Variants in GNAO1 observed in about 807,000 individuals in gnomAD.
GNAO1 encodes G protein subunit alpha o1.
For synonymous variants in GNAO1, 164 were observed against 180.7 expected, an observed-to-expected ratio of 0.91 and a Z score of 0.74; for missense variants, 166 against 478.7, an observed-to-expected ratio of 0.35 and a Z score of 6.10.
chr16:56,214,652 A>G (rs1305873976), intron 2 of GNAO1, among the ~76,000 whole-genome samples: 1 of 152,190 alleles, frequency 6.6e-6, no homozygotes, highest in African/African-American at 2.4e-5. Context: ...TCAGCATGGG[A>G]GTACCAATTT....
intron 2 of GNAO1, among the ~76,000 whole-genome samples, chr16:56,255,035 T>C (rs2036833951): frequency 6.6e-6 from 1 of 152,212 alleles, no homozygotes; most frequent in South Asian, 2.1e-4. Flanking sequence ...GATGAGACCT[T>C]GGAACACTTT....
chr16:56,347,482 C>T (rs1460775644), intron 6 of GNAO1: 18 of 985,432 alleles, frequency 1.8e-5, no homozygotes, highest in Non-Finnish European at 2.2e-5. Context: ...CCTGACCCCA[C>T]CCTGCCCAGA....
chr16:56,269,188 C>T (rs1475673200), intron 2 of GNAO1, among the ~76,000 whole-genome samples: 2 of 152,208 alleles, frequency 1.3e-5, no homozygotes, highest in African/African-American at 4.8e-5. Flanking sequence ...CCAACGTGTT[C>T]ATTTGGTAAA....
At chr16:56,230,531 C>G (rs2036580004) in intron 2 of GNAO1, among the ~76,000 whole-genome samples, 1 of 152,020 alleles carries the variant, frequency 6.6e-6, no homozygotes, top group Non-Finnish European at 1.5e-5. Context: ...ATGAAATATC[C>G]CTGAAGCTAT....
At chr16:56,222,731 A>G (rs2036501999) in intron 2 of GNAO1, among the ~76,000 whole-genome samples, 1 of 152,114 alleles carries the variant, frequency 6.6e-6, no homozygotes, top group Non-Finnish European at 1.5e-5. Context: ...AGCCGAGGAA[A>G]AACCCAGGGG....
chr16:56,330,927 C>T (rs2037682543), intron 4 of GNAO1, among the ~76,000 whole-genome samples: 1 of 152,218 alleles, frequency 6.6e-6, no homozygotes, highest in African/African-American at 2.4e-5. Flanking sequence ...CCGTGTCTCC[C>T]CTCTGGGAGA....
Position 56,254,095 on chromosome 16 carries a change from A to G in GNAO1, c.162-21836A>G, listed in dbSNP as rs980108769. Among the ~76,000 whole-genome samples the G allele has an allele frequency of 2.0e-5, 3 of 152,296 alleles. No individual in the cohort carries two copies. The East Asian group carries it at 5.8e-4, about 29-fold the overall frequency. The stretch of plus-strand genomic sequence containing the variant: ...TTTGTTTAATTAAAAAAATAAACAT[A>G]TCTTGTGAAATTTATTAAGTTTATA... On this transcript the variant is annotated intron_variant, in intron 2 of 8. Transcript: ENST00000262493.
intron 3 of GNAO1, among the ~76,000 whole-genome samples, chr16:56,280,854 G>C (rs2037107602): frequency 6.6e-6 from 1 of 152,182 alleles, no homozygotes. Flanking sequence ...TTCCAGGTGG[G>C]GGAGGTCCGC....
chr16:56,338,755 C>T (rs558393737), intron 6 of GNAO1, among the ~76,000 whole-genome samples: 1 of 152,380 alleles, frequency 6.6e-6, no homozygotes, highest in African/African-American at 2.4e-5. Context: ...TCTGGGTGAG[C>T]CTAGCAGCCA....
At chr16:56,336,999 C>A in intron 6 of GNAO1, 139 bp downstream of exon 6, 1 of 817,106 alleles carries the variant, frequency 1.2e-6, no homozygotes, top group Non-Finnish European at 1.9e-6. Context: ...AGGTTTCCAT[C>A]ATGGACAGGC....
intron 2 of GNAO1, among the ~76,000 whole-genome samples, chr16:56,237,133 AT>A (rs1216589238): frequency 6.6e-6 from 1 of 152,236 alleles, no homozygotes; most frequent in African/African-American, 2.4e-5. Context: ...TCAGTATTTT[AT>A]TCTTTTGTTT....
chr16:56,220,303 G>GA (rs1365405722), intron 2 of GNAO1, among the ~76,000 whole-genome samples: 1 of 152,036 alleles, frequency 6.6e-6, no homozygotes, highest in Non-Finnish European at 1.5e-5. Flanking sequence ...CCTCCCCTCT[G>GA]AAAAAAAGTA....
At chr16:56,301,385 T>A (rs2037341822) in intron 3 of GNAO1, among the ~76,000 whole-genome samples, 1 of 152,198 alleles carries the variant, frequency 6.6e-6, no homozygotes, top group Non-Finnish European at 1.5e-5. Flanking sequence ...AGCACAGACT[T>A]CGGGGGTCAG....
intron 2 of GNAO1, among the ~76,000 whole-genome samples, chr16:56,196,931 C>CTTA (rs1357676232): frequency 2.0e-5 from 3 of 152,214 alleles, no homozygotes; most frequent in African/African-American, 7.2e-5. Context: ...GAAAGGCTGT[C>CTTA]TTAAAAGGTC....
At chr16:56,257,869 C>T (rs1377234685) in intron 2 of GNAO1, among the ~76,000 whole-genome samples, 1 of 152,178 alleles carries the variant, frequency 6.6e-6, no homozygotes, top group Non-Finnish European at 1.5e-5. Context: ...CCTGATGGGG[C>T]GTGTGGATCA....
At chr16:56,289,707 G>A (rs893543768) in intron 3 of GNAO1, among the ~76,000 whole-genome samples, 4 of 152,124 alleles carry the variant, frequency 2.6e-5, no homozygotes, top group Non-Finnish European at 5.9e-5. Context: ...CGGAGGCCAG[G>A]GAGGCCTTTG....
intron 4 of GNAO1, among the ~76,000 whole-genome samples, chr16:56,332,836 G>C (rs2550297): frequency 0.099 from 15,082 of 152,340 alleles, 1,409 homozygotes; most frequent in African/African-American, 0.25. Context: ...CTGGTGTCCA[G>C]CTGCAGATGA....
intron 3 of GNAO1, among the ~76,000 whole-genome samples, chr16:56,316,746 A>C (rs2037514678): frequency 6.6e-6 from 1 of 152,204 alleles, no homozygotes; most frequent in South Asian, 2.1e-4. Context: ...AGGCACGGGC[A>C]GGGCAGGGTC....
rs116523707 is a variant in GNAO1 at position 56,255,928 on chromosome 16, T to C, written c.162-20003T>C. Among the ~76,000 whole-genome samples the C allele has an allele frequency of 1.1e-3, 173 of 152,304 alleles. 1 individual carries two copies. The highest frequency in any genetic ancestry group is 3.9e-3 in the African/African-American group (161 of 41,568). On this transcript the variant is annotated intron_variant, in intron 2 of 8. Coordinates refer to ENST00000262493, the MANE Select transcript of GNAO1 (RefSeq NM_020988.3). ...TCACCTGCAATAGTTGGGAAGACAT[T>C]GTTTTAATATGTGAGAAATCTTTTA...
Sources: gnomAD v4.1 joint callset for allele counts (sites outside exome capture counted in the v4.1 genomes callset) on GRCh38, gnomAD v4.1.1 for gene constraint, MANE v1.5 for transcripts, NCBI Gene and HGNC (gene_info 2026-07-23, HGNC 2026-07-21) for gene names.